PRELID2: variants seen among roughly 807,000 people sequenced by gnomAD.
PRELID2 encodes the protein PRELI domain containing 2.
PRELID2 carries 25 observed loss-of-function variants against 28.4 expected under a neutral mutation model. The observed-to-expected ratio is 0.88, with a 90% CI of 0.64 to 1.23. The LOEUF is 1.23. Among genes scored for constraint, PRELID2 ranks in the 50% most tolerant of loss-of-function variants. The pLI is 0.00. For synonymous variants in PRELID2, 76 were observed against 71.6 expected (o/e 1.06, Z -0.31); for missense variants, 201 against 214.4 (o/e 0.94, Z 0.39).
At chr5:145,726,945 T>C (rs1377335321) in intron 1 of PRELID2, among the ~76,000 whole-genome samples, 4 of 152,140 alleles carry the variant, frequency 2.6e-5, no homozygotes, top group Non-Finnish European at 4.4e-5. Flanking sequence ...CACCAGGTCA[T>C]TGGGGTGATG....
intron 1 of PRELID2, among the ~76,000 whole-genome samples, chr5:145,606,940 G>A (rs1753513873): frequency 6.6e-6 from 1 of 152,058 alleles, no homozygotes; most frequent in South Asian, 2.1e-4. Flanking sequence ...TGGCTTTTCA[G>A]GGATTCAGTT....
chr5:145,647,466 G>A (rs980898279), intron 1 of PRELID2, among the ~76,000 whole-genome samples: 3 of 152,242 alleles, frequency 2.0e-5, no homozygotes, highest in South Asian at 2.1e-4. Context: ...GCTCTGTGGG[G>A]GTGGGACCCA....
At chr5:145,492,833 C>G (rs1752280144) in intron 1 of PRELID2, among the ~76,000 whole-genome samples, 2 of 140,594 alleles carry the variant, frequency 1.4e-5, no homozygotes, top group Admixed American at 1.4e-4. Flanking sequence ...AAGGCTGAAG[C>G]CTTAGGGTTA....
At chr5:145,824,463 T>TGTGTGTGTGTGTGTGA (rs373555427) in intron 1 of PRELID2, among the ~76,000 whole-genome samples, 7,733 of 143,526 alleles carry the variant, frequency 0.054, 421 homozygotes, top group Non-Finnish European at 0.081. Context: ...TGTGTGTGTG[T>TGTGTGTGTGTGTGTGA]GATATTGATT....
intron 1 of PRELID2, among the ~76,000 whole-genome samples, chr5:145,492,180 A>T (rs190039521): frequency 7.9e-5 from 12 of 152,316 alleles, no homozygotes; most frequent in African/African-American, 2.6e-4. Context: ...CCTTTTCTCC[A>T]CATTATCTCC....
chr5:145,374,942 A>T, the PRELID2 span, among the ~76,000 whole-genome samples: 1 of 152,090 alleles, frequency 6.6e-6, no homozygotes, highest in Non-Finnish European at 1.5e-5. Context: ...ACTTCAGCTC[A>T]GCATTGTTTT....
intron 1 of PRELID2, among the ~76,000 whole-genome samples, chr5:145,478,532 C>T (rs1752128163): frequency 6.6e-6 from 1 of 151,868 alleles, no homozygotes; most frequent in South Asian, 2.1e-4. Context: ...GCCTGGGCAA[C>T]AGAGCAAGAC....
chr5:145,641,949 A>G (rs1263533663), intron 1 of PRELID2, among the ~76,000 whole-genome samples: 2 of 152,176 alleles, frequency 1.3e-5, no homozygotes, highest in Non-Finnish European at 2.9e-5. Context: ...AGTCTTTGCT[A>G]CTGTGAATAG....
the PRELID2 span, among the ~76,000 whole-genome samples, chr5:145,314,557 TA>T: frequency 2.0e-5 from 3 of 152,042 alleles, no homozygotes; most frequent in South Asian, 4.1e-4. Flanking sequence ...AAGGAACTTT[TA>T]TTTTTTTTTC....
chr5:145,555,829 C>A (rs571218951), intron 1 of PRELID2, among the ~76,000 whole-genome samples: 1 of 152,126 alleles, frequency 6.6e-6, no homozygotes, highest in African/African-American at 2.4e-5. Context: ...TTCCTGATAA[C>A]TTTCTAGTTT....
the PRELID2 span, among the ~76,000 whole-genome samples, chr5:145,342,393 C>A: frequency 6.6e-6 from 1 of 151,968 alleles, no homozygotes; most frequent in Non-Finnish European, 1.5e-5. Flanking sequence ...ACCCACCAAA[C>A]CACAATTATA....
chr5:145,286,192 G>A, the PRELID2 span, among the ~76,000 whole-genome samples: 1 of 152,102 alleles, frequency 6.6e-6, no homozygotes, highest in Admixed American at 6.5e-5. Context: ...ACTGTCTTAA[G>A]GTAGGAAACT....
At chr5:145,737,220 T>G (rs1003020778) in intron 1 of PRELID2, among the ~76,000 whole-genome samples, 4 of 151,978 alleles carry the variant, frequency 2.6e-5, no homozygotes, top group Non-Finnish European at 4.4e-5. Flanking sequence ...TGAACAGTTA[T>G]TACAAGAAGA....
At chr5:145,366,004 G>C in the PRELID2 span, among the ~76,000 whole-genome samples, 1 of 151,778 alleles carries the variant, frequency 6.6e-6, no homozygotes. Flanking sequence ...TTTCTAAATA[G>C]CAATTTTCTA....
intron 6 of PRELID2, among the ~76,000 whole-genome samples, chr5:145,762,869 G>C (rs60560677): frequency 0.019 from 2,895 of 152,236 alleles, 80 homozygotes; most frequent in African/African-American, 0.065. Flanking sequence ...AGCTTTCTCA[G>C]TGACCTGGCA....
chr5:145,801,724 CT>C (rs1389691037), intron 4 of PRELID2, among the ~76,000 whole-genome samples: 1 of 152,174 alleles, frequency 6.6e-6, no homozygotes, highest in Non-Finnish European at 1.5e-5. Context: ...AAATCCTAGT[CT>C]TCCTCTGTTC....
chr5:145,776,238 T>C (rs1222964448), intron 5 of PRELID2, among the ~76,000 whole-genome samples: 3 of 152,220 alleles, frequency 2.0e-5, no homozygotes, highest in Non-Finnish European at 4.4e-5. Flanking sequence ...CATCTCTTTG[T>C]CCAGGATATC....
At chr5:145,682,009 T>C (rs1362702318) in intron 1 of PRELID2, among the ~76,000 whole-genome samples, 4 of 152,174 alleles carry the variant, frequency 2.6e-5, no homozygotes, top group Non-Finnish European at 5.9e-5. Context: ...AATAATTGCA[T>C]ATTCATTAGA....
chr5:145,359,628 T>C, the PRELID2 span, among the ~76,000 whole-genome samples: 1 of 152,296 alleles, frequency 6.6e-6, no homozygotes, highest in Non-Finnish European at 1.5e-5. Flanking sequence ...CGAAAGCCAC[T>C]CCTTGGAGCA....
Sources: gnomAD v4.1 joint callset for allele counts (sites outside exome capture counted in the v4.1 genomes callset) on GRCh38, gnomAD v4.1.1 for gene constraint, MANE v1.5 for transcripts, NCBI Gene and HGNC (gene_info 2026-07-23, HGNC 2026-07-21) for gene names.